The following ARFGEF3 variants were observed in gnomAD, a reference collection of about 807,000 sequenced individuals.
The protein encoded by ARFGEF3 is brefeldin A-inhibited guanine nucleotide-exchange protein 3.
In ARFGEF3, 96 loss-of-function variants were observed where a neutral mutation model predicts 221.7. The ratio of observed to expected loss-of-function variants is 0.43; its 90% CI spans 0.37 to 0.51. The LOEUF is 0.51. Ranked by LOEUF, ARFGEF3 falls within the 20% of genes least tolerant of loss-of-function variation. ARFGEF3 has a pLI of 0.00. For missense variants in ARFGEF3, 2,410 were observed against 2,789.9 expected (o/e 0.86, Z 3.07); for synonymous variants, 1,145 against 1,126.8 (o/e 1.02, Z -0.32).
intron 1 of ARFGEF3, among the ~76,000 whole-genome samples, chr6:138,168,860 A>G (rs1463898548): frequency 6.6e-6 from 1 of 152,218 alleles, no homozygotes; most frequent in East Asian, 1.9e-4. Context: ...CCTGGCGTTT[A>G]TCATGCTTTG....
Position 138,319,895 on chromosome 6 carries a change from G to T in ARFGEF3, c.4651+16G>T. The stretch of plus-strand genomic sequence containing the variant: ...CTACATTCAGGTATCTGAAGTGCCA[G>T]AGCAGTTCATTCTGGGTATTTCTTT... On this transcript the variant is annotated intron_variant, in intron 28 of 33. Coordinates refer to ENST00000251691, the MANE Select transcript of ARFGEF3 (RefSeq NM_020340.5). 6.2e-7 allele frequency: 1 copy of T among 1,610,358 alleles called. No homozygotes were observed. Among genetic ancestry groups the T allele is most frequent in the South Asian group, 1.1e-5 (1 of 90,742 alleles).
At position 138,336,376 on chromosome 6, in the gene ARFGEF3, G is replaced by A; in HGVS notation, c.6424G>A (p.Val2142Met). The A allele has an allele frequency of 1.2e-6, 2 of 1,613,140 alleles. No individual in the cohort carries two copies. The highest frequency in any genetic ancestry group is 1.7e-6 in the Non-Finnish European group (2 of 1,179,586). The change falls in exon 34 of 34, where the codon GTG (valine) becomes ATG (methionine). Residue 2142 changes from valine (V) to methionine (M), a missense_variant. Transcript: ENST00000251691. ...DQTFTALQPA[V>M]FPCISQLTCH... is the part of the protein sequence containing the mutation. ...GACCTTCACGGCCCTCCAGCCCGCA[G>A]TGTTCCCGTGCATCAGTCAGCTGAC... is the stretch of plus-strand genomic sequence containing the variant.
At chr6:138,242,900 A>G in intron 6 of ARFGEF3, 52 bp from the exon 7 acceptor site, 1 of 1,509,474 alleles carries the variant, frequency 6.6e-7, no homozygotes, top group Non-Finnish European at 9.2e-7. Flanking sequence ...CAAAGAGTCA[A>G]GATTTTTCTT....
At position 138,207,083 on chromosome 6, in the gene ARFGEF3, A is replaced by G; in HGVS notation, c.179A>G (p.Lys60Arg). The G allele has an allele frequency of 3.7e-6, 6 of 1,611,692 alleles. No individual in the cohort carries two copies. Among genetic ancestry groups the G allele is most frequent in the Non-Finnish European group, 5.1e-6 (6 of 1,179,084 alleles). Reference protein sequence around the residue: ...LLPLQLALESKNVKLAQHALA... With the variant: ...LLPLQLALESRNVKLAQHALA... ...CCTCTCCAGTTGGCTTTGGAATCCA[A>G]GAATGTGAAGCTGGCCCAACATGCT... Residue 60 changes from lysine (K) to arginine (R), a missense_variant, in exon 3 of 34, where the codon AAG (lysine) becomes AGG (arginine). Physicochemically the swap from Lys to Arg is conservative, Grantham distance 26. This residue lies in a region of ARFGEF3 where 570 missense variants were observed against 586.9 expected (regional missense o/e 0.97). Coordinates refer to ENST00000251691, the MANE Select transcript of ARFGEF3 (RefSeq NM_020340.5).
rs199788147 is a variant in ARFGEF3 at position 138,210,053 on chromosome 6, G to A, written c.351+12G>A. On this transcript the variant is annotated intron_variant, in intron 4 of 33. Coordinates refer to ENST00000251691, the MANE Select transcript of ARFGEF3 (RefSeq NM_020340.5). Reference sequence around the variant, plus strand: ...TGGAAGTGATGAAGGTTGGTTTGACGTGGCCAAGAGTGTGCGTCACTGGGA... The same window carrying A: ...TGGAAGTGATGAAGGTTGGTTTGACATGGCCAAGAGTGTGCGTCACTGGGA... The A allele has an allele frequency of 8.6e-5, 139 of 1,612,386 alleles. No individual in the cohort carries two copies. Among genetic ancestry groups the A allele is most frequent in the Admixed American group, 5.2e-4 (31 of 59,986 alleles).
In ARFGEF3 at chr6:138,298,928, G is replaced by A. The variant is rs190003283; in HGVS notation, c.3828+143G>A. On this transcript the variant is annotated intron_variant, in intron 22 of 33. Coordinates refer to ENST00000251691, the MANE Select transcript of ARFGEF3 (RefSeq NM_020340.5). Reference sequence around the variant, plus strand: ...GGAGAAGTTAAGCAGGGCTGGGCGTGGTGGCTCACACCTGTAATCCCAGCA... The same window carrying A: ...GGAGAAGTTAAGCAGGGCTGGGCGTAGTGGCTCACACCTGTAATCCCAGCA... The A allele has an allele frequency of 1.6e-5, 11 of 677,106 alleles. No homozygotes were observed. In the Admixed American group the frequency reaches 2.4e-4, roughly 15 times the overall value. The allele number at this position is 677,106 out of a possible 1,614,324, so 41.9% of individuals were successfully genotyped here.
At chr6:138,326,785 A>G (rs1433721878) in intron 31 of ARFGEF3, among the ~76,000 whole-genome samples, 1 of 152,204 alleles carries the variant, frequency 6.6e-6, no homozygotes, top group African/African-American at 2.4e-5. Context: ...AATATAAATC[A>G]TTCTCTTATA....
At chr6:138,220,440 C>T (rs1158363262) in intron 4 of ARFGEF3, among the ~76,000 whole-genome samples, 2 of 151,936 alleles carry the variant, frequency 1.3e-5, no homozygotes, top group African/African-American at 2.4e-5. Flanking sequence ...TCTATTATTT[C>T]CATTGTATTT....
Position 138,321,166 on chromosome 6 carries a change from G to T in ARFGEF3, c.4707G>T (p.Leu1569=). 6.4e-7 allele frequency: 1 copy of T among 1,564,860 alleles called. No individual in the cohort carries two copies. The highest frequency in any genetic ancestry group is 8.7e-7 in the Non-Finnish European group (1 of 1,153,236). The change falls in exon 29 of 34, where the codon CTG becomes CTT. Residue 1569 remains leucine, a synonymous_variant. Coordinates refer to ENST00000251691, the MANE Select transcript of ARFGEF3 (RefSeq NM_020340.5). ...TGCTGAAGGACCTCTTTGAGTTGCTGGTCGCCTGTGTGGCCAAGCCCACTG... is the reference window on the plus strand; with the variant it reads ...TGCTGAAGGACCTCTTTGAGTTGCTTGTCGCCTGTGTGGCCAAGCCCACTG... The part of the protein sequence containing the change: ...NTMLKDLFEL[L]VACVAKPTET...
Position 138,285,960 on chromosome 6 carries a change from G to A in ARFGEF3, c.2476G>A (p.Glu826Lys). ...TTCCTTGACAGATATTGACGGCTTAGAGAGCAGTGCCATTGGTGGCCAGCT... is the reference window on the plus strand; with the variant it reads ...TTCCTTGACAGATATTGACGGCTTAAAGAGCAGTGCCATTGGTGGCCAGCT... ...ITMLTDIDGL[E>K]SSAIGGQLMA... Residue 826 changes from glutamate to lysine, a missense_variant, in exon 15 of 34, where the codon GAG becomes AAG. Coordinates refer to ENST00000251691, the MANE Select transcript of ARFGEF3 (RefSeq NM_020340.5). 6.2e-7 allele frequency: 1 copy of A among 1,610,644 alleles called. No homozygotes were observed. The highest frequency in any genetic ancestry group is 8.5e-7 in the Non-Finnish European group (1 of 1,178,284).
In ARFGEF3 at chr6:138,334,794, G is replaced by T. The variant is rs142001469; in HGVS notation, c.5948G>T (p.Gly1983Val). The change falls in exon 33 of 34, where the codon GGT becomes GTT. Residue 1983 changes from glycine to valine, a missense_variant. Around this residue, in one of 5 missense-constraint regions of ARFGEF3, gnomAD observed 339 missense variants for 334.9 expected, o/e 1.01. Transcript: ENST00000251691. The surrounding 1 kb of genome is among the most constrained non-coding windows in gnomAD (Gnocchi z 5.1). The stretch of plus-strand genomic sequence containing the variant: ...GAGTCCCTGAGCCTGAAGGCCGGTG[G>T]TGGGGACCTGCTGCTGCCCCCCAGC... Reference protein sequence around the residue: ...MGESLSLKAGGGDLLLPPSPK... With the variant: ...MGESLSLKAGVGDLLLPPSPK... The T allele has an allele frequency of 2.5e-6, 4 of 1,605,752 alleles. No individual in the cohort carries two copies. Among genetic ancestry groups the T allele is most frequent in the African/African-American group, 1.3e-5 (1 of 74,738 alleles).
intron 4 of ARFGEF3, among the ~76,000 whole-genome samples, chr6:138,213,572 A>G (rs1305895245): frequency 6.6e-6 from 1 of 151,704 alleles, no homozygotes. Flanking sequence ...GTTAAATAAA[A>G]TAAACCAGGC....
Position 138,342,218 on chromosome 6 carries a change from A to G in ARFGEF3, c.*5732A>G, listed in dbSNP as rs1780441797. 1 of 152,212 alleles carries G rather than the reference A, an allele frequency of 6.6e-6. No individual in the cohort carries two copies. Among genetic ancestry groups the G allele is most frequent in the Non-Finnish European group, 1.5e-5 (1 of 68,040 alleles). The allele number at this position is 152,212 out of a possible 1,614,324, so 9.4% of individuals were successfully genotyped here. ...CACAGATTGCTGGGCTCATGGTCAG[A>G]GTTCCCAGTTAAGTAAATCAGGAAA... On this transcript the variant is annotated 3_prime_UTR_variant, in exon 34 of 34. Coordinates refer to ENST00000251691, the MANE Select transcript of ARFGEF3 (RefSeq NM_020340.5).
chr6:138,278,725 G>A (rs1259388774), intron 13 of ARFGEF3, 108 bp downstream of exon 13: 3 of 1,210,772 alleles, frequency 2.5e-6, no homozygotes, highest in Non-Finnish European at 2.3e-6. Context: ...TTTTGTTCCA[G>A]ACTGCTCTAG....
chr6:138,213,266 C>T (rs1474774051), intron 4 of ARFGEF3, among the ~76,000 whole-genome samples: 18 of 139,550 alleles, frequency 1.3e-4, no homozygotes, highest in African/African-American at 3.9e-4. Flanking sequence ...CCAGCCTGGG[C>T]GACAGAGCGA....
intron 2 of ARFGEF3, among the ~76,000 whole-genome samples, chr6:138,197,800 G>A (rs1319148986): frequency 4.6e-5 from 7 of 152,146 alleles, no homozygotes; most frequent in East Asian, 1.9e-4. Context: ...TGGCACTTCC[G>A]TGACTCAACT....
chr6:138,294,176 G>T, intron 20 of ARFGEF3, 50 bp downstream of exon 20: 1 of 1,587,524 alleles, frequency 6.3e-7, no homozygotes, highest in East Asian at 2.2e-5. Flanking sequence ...GCAGGAAACA[G>T]CCCAGGCCTC....
chr6:138,211,092 G>C (rs922576830), intron 4 of ARFGEF3, among the ~76,000 whole-genome samples: 3 of 152,178 alleles, frequency 2.0e-5, no homozygotes, highest in Non-Finnish European at 4.4e-5. Flanking sequence ...ATTTCCTTGT[G>C]TGTAAAATGG....
intron 2 of ARFGEF3, among the ~76,000 whole-genome samples, chr6:138,192,116 CCAA>C (rs1472870667): frequency 5.9e-5 from 9 of 152,128 alleles, no homozygotes; most frequent in Admixed American, 5.9e-4. Context: ...ATGTTCCCAC[CCAA>C]AGCCTGCCCT....
Sources: gnomAD v4.1 joint callset for allele counts (sites outside exome capture counted in the v4.1 genomes callset) on GRCh38, gnomAD v4.1.1 for gene constraint, gnomAD v4.1.1 regional missense constraint, Gnocchi (gnomAD v3.1) non-coding constraint, MANE v1.5 for transcripts, NCBI Gene and HGNC (gene_info 2026-07-23, HGNC 2026-07-21) for gene names.